Variants in ESRRG observed in about 807,000 individuals in gnomAD.
The protein encoded by ESRRG is estrogen-related receptor gamma.
A neutral mutation model predicts 44.0 loss-of-function variants in ESRRG; 13 were observed. That is an observed-to-expected ratio of 0.30 (90% CI 0.19 to 0.47). ESRRG has a LOEUF of 0.47. ESRRG is among the 20% of genes least tolerant of loss of function. The pLI, the probability that ESRRG is intolerant of heterozygous loss-of-function variation, is 1.00. For missense variants in ESRRG, 395 were observed against 580.6 expected (o/e 0.68, Z 3.29); for synonymous variants, 215 against 214.6 (o/e 1.00, Z -0.02).
chr1:216,611,856 T>G (rs2060721808), intron 3 of ESRRG, among the ~76,000 whole-genome samples: 1 of 152,176 alleles, frequency 6.6e-6, no homozygotes, highest in African/African-American at 2.4e-5. Context: ...GTTGAATTTC[T>G]CCAGGCAAAG....
intron 1 of ESRRG, among the ~76,000 whole-genome samples, chr1:216,952,653 G>A (rs1218366186): frequency 2.0e-5 from 3 of 152,108 alleles, no homozygotes; most frequent in African/African-American, 7.2e-5. Flanking sequence ...AGAGGATCCT[G>A]AGAGTCATGC....
Position 216,506,273 on chromosome 1 carries a change from T to G in ESRRG, c.*666A>C, listed in dbSNP as rs1433623406. 4 of 190,512 alleles carry G rather than the reference T, an allele frequency of 2.1e-5. No individual in the cohort carries two copies. The highest frequency in any genetic ancestry group is 9.5e-5 in the African/African-American group (4 of 42,230). 11.8% of individuals were successfully genotyped at this position (190,512 alleles called of 1,614,324 possible). On this transcript the variant is annotated 3_prime_UTR_variant, in exon 7 of 7. Transcript: ENST00000408911. ...TGTACTTTTAGGAACGTTGGTTCTC[T>G]CTCTTTGATTCCTTAGTCATTGGGG...
chr1:216,946,504 G>A (rs1441040726), intron 1 of ESRRG, among the ~76,000 whole-genome samples: 1 of 152,132 alleles, frequency 6.6e-6, no homozygotes, highest in Non-Finnish European at 1.5e-5. Context: ...AGAATGGAAA[G>A]AGCAAATCAA....
intron 2 of ESRRG, among the ~76,000 whole-genome samples, chr1:216,886,350 A>G (rs139242863): frequency 6.6e-6 from 1 of 152,340 alleles, no homozygotes; most frequent in African/African-American, 2.4e-5. Flanking sequence ...TGGATAACAT[A>G]AGAATGCTAT....
At chr1:217,093,056 T>C (rs1351707055), upstream of ESRRG, among the ~76,000 whole-genome samples, 2 of 152,212 alleles carry the variant, frequency 1.3e-5, no homozygotes, top group African/African-American at 4.8e-5. Flanking sequence ...TTATTATGAC[T>C]TTATAGCTCT....
intron 1 of ESRRG, among the ~76,000 whole-genome samples, chr1:217,114,667 C>CTTTTT (rs139701773): frequency 5.6e-5 from 6 of 107,252 alleles, no homozygotes; most frequent in Non-Finnish European, 9.2e-5. Flanking sequence ...CAAAAGATTT[C>CTTTTT]TTTTTTTTTT....
At chr1:216,633,268 G>A (rs1574463416) in intron 3 of ESRRG, among the ~76,000 whole-genome samples, 1 of 152,314 alleles carries the variant, frequency 6.6e-6, no homozygotes, top group Admixed American at 6.5e-5. Context: ...GAATCGGAGG[G>A]CCTGCGGAGG....
Position 216,565,847 on chromosome 1 carries a change from T to G in ESRRG, c.701-1467A>C, listed in dbSNP as rs143753061. On this transcript the variant is annotated intron_variant, in intron 4 of 6. Transcript: ENST00000408911. ...AAACAACACCCCATACTTTTAGTTATGCTTGGAAAAGTTTCAACTTTCATT... is the reference window on the plus strand; with the variant it reads ...AAACAACACCCCATACTTTTAGTTAGGCTTGGAAAAGTTTCAACTTTCATT... Among the ~76,000 whole-genome samples the G allele has an allele frequency of 2.7e-3, 414 of 152,310 alleles. 2 individuals carry two copies. The highest frequency in any genetic ancestry group is 9.6e-3 in the African/African-American group (398 of 41,586).
Position 216,821,705 on chromosome 1 carries a change from T to TA in ESRRG, c.-14+117876dup, listed in dbSNP as rs1467446260. On this transcript the variant is annotated intron_variant, in intron 2 of 7. Transcript: ENST00000359162. ...GCCTCAGGAAAAATAAATAAATAAA[T>TA]AAATAAATAAATAAATAAATAAATA... Among the ~76,000 whole-genome samples, 158 of 87,918 alleles carry TA rather than the reference T, an allele frequency of 1.8e-3. 8 individuals are homozygous for TA. Among genetic ancestry groups the TA allele is most frequent in the East Asian group, 0.011 (37 of 3,320 alleles). 57.7% of individuals were successfully genotyped at this position (87,918 alleles called of 152,430 possible). A position where few individuals can be genotyped will look rare whatever the true frequency, so the allele number is the denominator to read the frequency against.
At chr1:216,568,678 T>G in intron 3 of ESRRG, among the ~76,000 whole-genome samples, 1 of 152,190 alleles carries the variant, frequency 6.6e-6, no homozygotes, top group East Asian at 1.9e-4. Flanking sequence ...GGGAATGTTA[T>G]TTACATTTTG....
At position 216,991,984 on chromosome 1, in the gene ESRRG, C is replaced by A. The variant is rs573416596; in HGVS notation, c.-105-52311G>T. ...CTGGGCTGTGATTTTTCATCCCTAA[C>A]CTTTACCAGACAGTGTGTGATACGC... On this transcript the variant is annotated intron_variant, in intron 1 of 7. Transcript: ENST00000359162. 2.6e-5 allele frequency among the ~76,000 whole-genome samples: 4 copies of A among 152,276 alleles called. No homozygotes were observed. The East Asian group carries it at 7.8e-4, about 30-fold the overall frequency.
rs769796060 is a variant in ESRRG, at chr1:216,723,229, A to G, written c.56+15T>C. 2 of 1,610,094 alleles carry G rather than the reference A, an allele frequency of 1.2e-6. No individual in the cohort carries two copies. The highest frequency in any genetic ancestry group is 2.2e-5 in the South Asian group (2 of 90,966). ...CCCACGACGAGTTTAAAAAGGAAAG[A>G]AAAAAGGTACCTACTCTTCCTCGTA... On this transcript the variant is annotated intron_variant, in intron 1 of 6. Transcript: ENST00000408911.
At chr1:216,580,106 C>T (rs2062458671) in intron 3 of ESRRG, among the ~76,000 whole-genome samples, 2 of 152,190 alleles carry the variant, frequency 1.3e-5, no homozygotes, top group South Asian at 4.1e-4. Flanking sequence ...AGTGTCTATA[C>T]ATCATCATTA....
chr1:216,979,475 A>G (rs924523478), intron 1 of ESRRG, among the ~76,000 whole-genome samples: 3 of 152,056 alleles, frequency 2.0e-5, no homozygotes, highest in African/African-American at 7.2e-5. Flanking sequence ...GGGAAGCTTG[A>G]TCATGGCCAA....
At chr1:216,886,816 T>G (rs1380350059) in intron 2 of ESRRG, among the ~76,000 whole-genome samples, 1 of 152,170 alleles carries the variant, frequency 6.6e-6, no homozygotes, top group East Asian at 1.9e-4. Flanking sequence ...CTTGGCCTCC[T>G]GGGCTCAGGT....
intron 1 of ESRRG, among the ~76,000 whole-genome samples, chr1:217,120,488 T>C (rs1005687032): frequency 2.0e-5 from 3 of 151,328 alleles, no homozygotes; most frequent in Non-Finnish European, 1.5e-5. Context: ...AATCTGATCA[T>C]GTCTTCTCTA....
intron 6 of ESRRG, among the ~76,000 whole-genome samples, chr1:216,508,931 C>T (rs938632115): frequency 6.6e-6 from 1 of 152,122 alleles, no homozygotes; most frequent in African/African-American, 2.4e-5. Context: ...TAGCTCTCTA[C>T]ATGAAAACAG....
At chr1:216,683,483 A>C (rs2151600748) in intron 1 of ESRRG, among the ~76,000 whole-genome samples, 1 of 152,284 alleles carries the variant, frequency 6.6e-6, no homozygotes, top group Non-Finnish European at 1.5e-5. Context: ...TCTCTAGCTT[A>C]CTCCATGAAG....
chr1:216,815,591 C>A (rs187471381), intron 2 of ESRRG, among the ~76,000 whole-genome samples: 9 of 152,308 alleles, frequency 5.9e-5, no homozygotes, highest in Admixed American at 3.9e-4. Context: ...CTCAGGCCTC[C>A]CTGGCTTGGC....
Sources: allele counts gnomAD v4.1 joint callset (sites outside exome capture counted in the v4.1 genomes callset), GRCh38; gene constraint gnomAD v4.1.1; transcripts MANE v1.5; gene names NCBI Gene and HGNC (gene_info 2026-07-23, HGNC 2026-07-21).